Variants in RASSF8 observed in about 807,000 individuals in gnomAD.
The protein encoded by RASSF8 is Ras association domain family member 8.
Under a neutral mutation model 48.5 loss-of-function variants are expected in RASSF8, and 22 were observed. The ratio of observed to expected loss-of-function variants is 0.45; its 90% confidence interval spans 0.32 to 0.65. The LOEUF (loss-of-function observed/expected upper bound fraction) is 0.65, where lower values mean the gene tolerates loss of function less well. Among genes scored for constraint, RASSF8 ranks in the 30% least tolerant of loss-of-function variants. The probability of loss-of-function intolerance (pLI) is 0.03; values close to 1 mark genes in which losing one functional copy is unlikely to be tolerated. For missense variants in RASSF8, 418 were observed against 489.2 expected, an observed-to-expected ratio of 0.85 and a Z score of 1.37; for synonymous variants, 127 against 171.5, an observed-to-expected ratio of 0.74 and a Z score of 2.03.
At chr12:26,061,478 C>T (rs1943740819) in intron 3 of RASSF8, among the ~76,000 whole-genome samples, 1 of 151,942 alleles carries the variant, frequency 6.6e-6, no homozygotes, top group Admixed American at 6.6e-5. Flanking sequence ...TTTTTTACCC[C>T]ACTAAATTGG....
intron 2 of RASSF8, among the ~76,000 whole-genome samples, chr12:26,030,138 T>C (rs1942997538): frequency 6.6e-6 from 1 of 152,228 alleles, no homozygotes; most frequent in South Asian, 2.1e-4. Flanking sequence ...TTTCAGTTCA[T>C]TTGTTTTCTA....
intron 2 of RASSF8, among the ~76,000 whole-genome samples, chr12:26,028,277 G>A (rs17362314): frequency 0.098 from 14,859 of 152,120 alleles, 769 homozygotes; most frequent in Middle Eastern, 0.16. Context: ...CTTTTAATGA[G>A]CGTACTTTTC....
chr12:26,026,497 G>A (rs61914242), intron 2 of RASSF8, among the ~76,000 whole-genome samples: 19,118 of 152,082 alleles, frequency 0.13, 1,237 homozygotes, highest in Middle Eastern at 0.17. Flanking sequence ...GTGCAGTGGC[G>A]TGATCTCAGC....
At chr12:26,067,864 C>T (rs567656434) in intron 5 of RASSF8, 151 bp downstream of exon 5, 736 of 980,094 alleles carry the variant, frequency 7.5e-4, no homozygotes, top group Non-Finnish European at 1.0e-3. Flanking sequence ...CTCCTGGGCT[C>T]AGGTGACCCT....
intron 2 of RASSF8, among the ~76,000 whole-genome samples, chr12:26,024,818 G>A (rs183147113): frequency 2.6e-5 from 4 of 152,148 alleles, no homozygotes; most frequent in African/African-American, 7.2e-5. Flanking sequence ...TTAGCCGGGC[G>A]TGGTGGCGGG....
chr12:26,043,470 T>G (rs1156605660), intron 2 of RASSF8, among the ~76,000 whole-genome samples: 1 of 152,212 alleles, frequency 6.6e-6, no homozygotes, highest in East Asian at 1.9e-4. Context: ...GTTGGAGGAT[T>G]CTGACCAGGG....
chr12:25,978,265 T>G (rs889303930), intron 1 of RASSF8, among the ~76,000 whole-genome samples: 5 of 152,196 alleles, frequency 3.3e-5, no homozygotes. Flanking sequence ...CAAGTTATTT[T>G]TAAGCGCCTA....
At chr12:25,969,663 A>C (rs941616488) in intron 1 of RASSF8, among the ~76,000 whole-genome samples, 57 of 151,988 alleles carry the variant, frequency 3.8e-4, no homozygotes, top group African/African-American at 1.4e-3. Flanking sequence ...GGAGGATTGG[A>C]TCTGCTTTTC....
At chr12:25,994,278 T>TA (rs57936692) in intron 1 of RASSF8, among the ~76,000 whole-genome samples, 13 of 139,038 alleles carry the variant, frequency 9.3e-5, no homozygotes, top group South Asian at 2.3e-4. Flanking sequence ...GATAGATTTT[T>TA]AAAAAAAAAA....
At chr12:26,056,399 T>G (rs1281626528) in intron 3 of RASSF8, among the ~76,000 whole-genome samples, 1 of 152,214 alleles carries the variant, frequency 6.6e-6, no homozygotes, top group African/African-American at 2.4e-5. Flanking sequence ...ATTTGCATCT[T>G]AAGTCTTTCA....
intron 2 of RASSF8, among the ~76,000 whole-genome samples, chr12:26,050,607 T>C (rs1445457584): frequency 2.0e-5 from 3 of 152,218 alleles, no homozygotes; most frequent in South Asian, 4.1e-4. Context: ...AGAAAGTATA[T>C]TTTAATAGTG....
Position 26,068,997 on chromosome 12 carries a change from A to T in RASSF8, c.*179A>T. ...TGCACTGATGCTAAAGAACAAAGAA[A>T]CTGTGTTTTCACACATCAACAGTGT... is the stretch of plus-strand genomic sequence containing the variant. On this transcript the variant is annotated 3_prime_UTR_variant, in exon 6 of 6. Transcript: ENST00000689635. 7.5e-7 allele frequency: 1 copy of T among 1,332,776 alleles called. No individual in the cohort carries two copies. Among genetic ancestry groups the T allele is most frequent in the Non-Finnish European group, 9.6e-7 (1 of 1,039,678 alleles). 82.6% of individuals were successfully genotyped at this position (1,332,776 alleles called of 1,614,324 possible). A position where few individuals can be genotyped will look rare whatever the true frequency, so the allele number is the denominator to read the frequency against.
chr12:26,023,614 T>G (rs2137074074), intron 2 of RASSF8, among the ~76,000 whole-genome samples: 1 of 152,170 alleles, frequency 6.6e-6, no homozygotes, highest in African/African-American at 2.4e-5. Flanking sequence ...GGAAGTTATT[T>G]GGGATAAAAG....
At chr12:26,044,199 G>T (rs1943324955) in intron 2 of RASSF8, among the ~76,000 whole-genome samples, 1 of 152,062 alleles carries the variant, frequency 6.6e-6, no homozygotes, top group South Asian at 2.1e-4. Context: ...GTGACTGCTG[G>T]AGTGATTTTT....
rs1262037405 is a variant in RASSF8, at chr12:26,071,825, T to C, written c.*3007T>C. The C allele has an allele frequency of 5.8e-5, 55 of 941,168 alleles. No homozygotes were observed. Among genetic ancestry groups the C allele is most frequent in the Non-Finnish European group, 6.6e-5 (52 of 791,028 alleles). 58.3% of individuals were successfully genotyped at this position (941,168 alleles called of 1,614,324 possible). On this transcript the variant is annotated 3_prime_UTR_variant, in exon 6 of 6. Transcript: ENST00000689635. The stretch of plus-strand genomic sequence containing the variant: ...CTATATAAATACAGTAAAAAAAAAA[T>C]AGAATTTATGGTGTGAAATATGAAG...
chr12:26,052,891 A>G (rs1236821849), intron 2 of RASSF8: 3 of 152,260 alleles, frequency 2.0e-5, no homozygotes, highest in Non-Finnish European at 2.9e-5. Context: ...AAGTGAAACA[A>G]TGATAATTCA....
At chr12:25,989,520 C>T (rs1217825154) in intron 1 of RASSF8, among the ~76,000 whole-genome samples, 9 of 152,082 alleles carry the variant, frequency 5.9e-5, no homozygotes, top group Admixed American at 5.9e-4. Flanking sequence ...GAAGTGTTAT[C>T]CAGGAGAAGG....
chr12:26,068,925 T>TA lies in RASSF8; in HGVS notation c.*108dup. On this transcript the variant is annotated 3_prime_UTR_variant, in exon 6 of 6. Coordinates refer to ENST00000689635, the MANE Select transcript of RASSF8 (RefSeq NM_001394098.1). ...AGAGGATCTATTCCACAAGACGCTG[T>TA]ATGTTTTTTCTCTCCTAAATTGCAT... 23 of 1,463,438 alleles carry TA rather than the reference T, an allele frequency of 1.6e-5. No individual in the cohort carries two copies. The highest frequency in any genetic ancestry group is 2.1e-5 in the Non-Finnish European group (23 of 1,108,906). The allele number at this position is 1,463,438 out of a possible 1,614,324, so 90.7% of individuals were successfully genotyped here. A position where few individuals can be genotyped will look rare whatever the true frequency, so the allele number is the denominator to read the frequency against.
chr12:26,069,177 T>C lies in RASSF8; in HGVS notation c.*359T>C. ...TTTGTGACTGGCTTAGTTTAATTTA[T>C]TTCATGTAATCAATGTGTGAATGTT... On this transcript the variant is annotated 3_prime_UTR_variant, in exon 6 of 6. Transcript: ENST00000689635. The C allele has an allele frequency of 1.0e-6, 1 of 989,838 alleles. No homozygotes were observed. Among genetic ancestry groups the C allele is most frequent in the Non-Finnish European group, 1.2e-6 (1 of 831,874 alleles). The allele number at this position is 989,838 out of a possible 1,614,324, so 61.3% of individuals were successfully genotyped here. A position where few individuals can be genotyped will look rare whatever the true frequency, so the allele number is the denominator to read the frequency against.
Sources: allele counts gnomAD v4.1 joint callset (sites outside exome capture counted in the v4.1 genomes callset), GRCh38; gene constraint gnomAD v4.1.1; transcripts MANE v1.5; gene names NCBI Gene and HGNC (gene_info 2026-07-23, HGNC 2026-07-21).